STMN1: variants seen among roughly 807,000 people sequenced by gnomAD.
STMN1 encodes the protein stathmin.
Under a neutral mutation model 19.7 loss-of-function variants are expected in STMN1, and 3 were observed. The observed-to-expected ratio is 0.15, with a 90% CI of 0.07 to 0.39. The LOEUF (loss-of-function observed/expected upper bound fraction) is 0.39, where lower values mean the gene tolerates loss of function less well. Ranked by LOEUF, STMN1 falls within the 10% of genes least tolerant of loss-of-function variation. The pLI is 1.00. For missense variants in STMN1, 99 were observed against 176.0 expected (o/e 0.56, Z 2.48); for synonymous variants, 59 against 58.9 (o/e 1.00, Z -0.01).
At chr1:25,892,562 C>CCACCA in intron 4 of STMN1, 7 of 960,474 alleles carry the variant, frequency 7.3e-6, no homozygotes, top group Non-Finnish European at 8.5e-6. Context: ...CACGGCTGAG[C>CCACCA]CGCTGAGCCG....
Position 25,900,187 on chromosome 1 carries a change from TGAG to T in STMN1, c.*826_*828del, listed in dbSNP as rs1487062114. The T allele has an allele frequency of 1.0e-6, 1 of 985,726 alleles. No individual in the cohort carries two copies. Among genetic ancestry groups the T allele is most frequent in the African/African-American group, 1.7e-5 (1 of 57,214 alleles). 61.1% of individuals were successfully genotyped at this position (985,726 alleles called of 1,614,324 possible). ...TCATAGCTTTTATGGCAGGAAAGGATGAGGACATGCCCCACCTGTAACGTAGAG... is the reference window on the plus strand; with the variant it reads ...TCATAGCTTTTATGGCAGGAAAGGATGACATGCCCCACCTGTAACGTAGAG... On this transcript the variant is annotated 3_prime_UTR_variant, in exon 5 of 5. Coordinates refer to ENST00000455785, the MANE Select transcript of STMN1 (RefSeq NM_005563.4).
At chr1:25,904,589 G>A in intron 2 of STMN1, 75 bp downstream of exon 2, 1 of 1,379,602 alleles carries the variant, frequency 7.2e-7, no homozygotes, top group Non-Finnish European at 1.0e-6. Flanking sequence ...CCAAATCAAA[G>A]GCGAAGACCT....
At chr1:25,894,414 C>T (rs1383546133) in intron 4 of STMN1, among the ~76,000 whole-genome samples, 1 of 152,140 alleles carries the variant, frequency 6.6e-6, no homozygotes, top group Non-Finnish European at 1.5e-5. Context: ...ACACGATGGC[C>T]CATGCCTGTA....
intron 3 of STMN1, chr1:25,903,136 A>G (rs1333604152): frequency 1.3e-5 from 2 of 152,188 alleles, no homozygotes; most frequent in African/African-American, 4.8e-5. Context: ...TTTTAAAGAT[A>G]GTTACTTTAT....
downstream of STMN1, chr1:25,885,061 G>A (rs2048710394): frequency 1.3e-5 from 2 of 153,816 alleles, no homozygotes; most frequent in African/African-American, 4.8e-5. Context: ...CCCCAGGGCT[G>A]GTGCCATGAA....
chr1:25,887,062 T>G (rs938831941), intron 4 of STMN1, among the ~76,000 whole-genome samples: 2 of 152,128 alleles, frequency 1.3e-5, no homozygotes, highest in African/African-American at 2.4e-5. Flanking sequence ...CCCATTATAC[T>G]GTGACACCTG....
At chr1:25,887,772 C>T (rs1572291010) in intron 4 of STMN1, among the ~76,000 whole-genome samples, 3 of 152,242 alleles carry the variant, frequency 2.0e-5, no homozygotes, top group Middle Eastern at 3.4e-3. Flanking sequence ...CTGTAACCTC[C>T]GCCTCCCGAG....
intron 4 of STMN1, among the ~76,000 whole-genome samples, chr1:25,888,455 G>A (rs2048743391): frequency 6.6e-6 from 1 of 152,142 alleles, no homozygotes; most frequent in Non-Finnish European, 1.5e-5. Context: ...GATAGTGCTG[G>A]TGCATAGTAG....
At chr1:25,895,668 G>A (rs1015252809), downstream of STMN1, among the ~76,000 whole-genome samples, 3 of 152,244 alleles carry the variant, frequency 2.0e-5, no homozygotes, top group Non-Finnish European at 2.9e-5. Flanking sequence ...CTTTTTTCAA[G>A]ATAAGCTTGA....
chr1:25,906,271 G>A lies in STMN1; in HGVS notation c.-63+118C>T, dbSNP rs1344162729. ...CCGCCCACCAACCCCTCCGAGGCCCGCAGCCCCGCCCGCCGCCCTGCAGCA... is the reference window on the plus strand; with the variant it reads ...CCGCCCACCAACCCCTCCGAGGCCCACAGCCCCGCCCGCCGCCCTGCAGCA... On this transcript the variant is annotated intron_variant, in intron 1 of 4. Coordinates refer to ENST00000455785, the MANE Select transcript of STMN1 (RefSeq NM_005563.4). This position sits in a 1 kb window ranked among gnomAD's most constrained non-coding sequence, Gnocchi z 4.5. 1.0e-5 allele frequency: 1 copy of A among 95,830 alleles called. No individual in the cohort carries two copies. Among genetic ancestry groups the A allele is most frequent in the Non-Finnish European group, 2.0e-5 (1 of 49,854 alleles). 5.9% of individuals were successfully genotyped at this position (95,830 alleles called of 1,614,324 possible).
In STMN1 at chr1:25,900,475, C is replaced by G; in HGVS notation, c.*541G>C. On this transcript the variant is annotated 3_prime_UTR_variant, in exon 5 of 5. Transcript: ENST00000455785. Reference sequence around the variant, plus strand: ...GTCATTTGTGCGTTGGGTATTTCTACCAGCCCCAAAGGCCCCATCTGGAAC... The same window carrying G: ...GTCATTTGTGCGTTGGGTATTTCTAGCAGCCCCAAAGGCCCCATCTGGAAC... 1 of 985,862 alleles carries G rather than the reference C, an allele frequency of 1.0e-6. No individual in the cohort carries two copies. The allele number at this position is 985,862 out of a possible 1,614,324, so 61.1% of individuals were successfully genotyped here.
downstream of STMN1, among the ~76,000 whole-genome samples, chr1:25,895,788 C>G (rs115388142): frequency 1.2e-3 from 176 of 152,348 alleles, 2 homozygotes; most frequent in African/African-American, 4.0e-3. Context: ...CCAGTTTGTG[C>G]GTTCGGATCC....
At chr1:25,897,175 C>T (rs2048824485), downstream of STMN1, among the ~76,000 whole-genome samples, 1 of 151,872 alleles carries the variant, frequency 6.6e-6, no homozygotes, top group African/African-American at 2.4e-5. Context: ...TAGCCAGGCA[C>T]GGTGGTGCAC....
chr1:25,889,663 G>A (rs962440928), intron 4 of STMN1, among the ~76,000 whole-genome samples: 9 of 152,026 alleles, frequency 5.9e-5, no homozygotes, highest in African/African-American at 1.9e-4. Flanking sequence ...TCTCCTTACC[G>A]TCCATTCTCC....
chr1:25,894,175 G>A (rs2048799226), intron 4 of STMN1, among the ~76,000 whole-genome samples: 1 of 152,202 alleles, frequency 6.6e-6, no homozygotes, highest in African/African-American at 2.4e-5. Context: ...TGCCTTGGTT[G>A]TAGGGTATGA....
chr1:25,900,099 T>C (rs1034378399), downstream of STMN1: 2 of 985,694 alleles, frequency 2.0e-6, no homozygotes, highest in Non-Finnish European at 2.4e-6. Flanking sequence ...AGGTTCCCTT[T>C]AGTCATTTCA....
chr1:25,889,164 AT>A, intron 4 of STMN1: 1 of 335,816 alleles, frequency 3.0e-6, no homozygotes. Flanking sequence ...TCACAATCAC[AT>A]TACCATATCA....
chr1:25,900,903 C>G lies in STMN1; in HGVS notation c.*113G>C. ...TGGATCTGGATCTACCTATACAGTC[C>G]TACATTAGCTTCTAAAATATTTGTC... On this transcript the variant is annotated 3_prime_UTR_variant, in exon 5 of 5. Coordinates refer to ENST00000455785, the MANE Select transcript of STMN1 (RefSeq NM_005563.4). The G allele has an allele frequency of 6.3e-7, 1 of 1,580,140 alleles. No homozygotes were observed. Among genetic ancestry groups the G allele is most frequent in the Admixed American group, 1.8e-5 (1 of 55,126 alleles).
At position 25,900,983 on chromosome 1, in the gene STMN1, G is replaced by A. The variant is rs895422721; in HGVS notation, c.*33C>T. The A allele has an allele frequency of 3.1e-6, 5 of 1,611,810 alleles. No individual in the cohort carries two copies. Among genetic ancestry groups the A allele is most frequent in the Non-Finnish European group, 4.2e-6 (5 of 1,179,370 alleles). ...AGTACAGTCTTTGGATATTTAGGAAGGGGATGGGGAGAAAGTCAGTTCTCA... is the reference window on the plus strand; with the variant it reads ...AGTACAGTCTTTGGATATTTAGGAAAGGGATGGGGAGAAAGTCAGTTCTCA... On this transcript the variant is annotated 3_prime_UTR_variant, in exon 5 of 5. Transcript: ENST00000455785.
Sources: gnomAD v4.1 joint callset for allele counts (sites outside exome capture counted in the v4.1 genomes callset) on GRCh38, gnomAD v4.1.1 for gene constraint, Gnocchi (gnomAD v3.1) non-coding constraint, MANE v1.5 for transcripts, NCBI Gene and HGNC (gene_info 2026-07-23, HGNC 2026-07-21) for gene names.